The following ALK variants were observed in gnomAD, a reference collection of about 807,000 sequenced individuals.
ALK encodes the protein ALK receptor tyrosine kinase.
Under a neutral mutation model 163.1 loss-of-function variants are expected in ALK, and 74 were observed. That is an observed-to-expected ratio of 0.45 (90% CI 0.38 to 0.55). ALK has a LOEUF of 0.55. Among genes scored for constraint, ALK ranks in the 20% least tolerant of loss-of-function variants. The probability of loss-of-function intolerance (pLI) is 0.00; values close to 1 mark genes in which losing one functional copy is unlikely to be tolerated. For synonymous variants in ALK, 960 were observed against 843.2 expected, an observed-to-expected ratio of 1.14 and a Z score of -2.40; for missense variants, 2,063 against 2,105.3, an observed-to-expected ratio of 0.98 and a Z score of 0.39.
intron 3 of ALK, among the ~76,000 whole-genome samples, chr2:29,675,148 A>G (rs2148273954): frequency 6.6e-6 from 1 of 152,152 alleles, no homozygotes; most frequent in South Asian, 2.1e-4. Flanking sequence ...AGGCTATAAT[A>G]TGCATACTGT....
intron 3 of ALK, among the ~76,000 whole-genome samples, chr2:29,652,360 G>A (rs2879503): frequency 0.61 from 92,017 of 151,934 alleles, 29,155 homozygotes; most frequent in East Asian, 0.74. Flanking sequence ...TTTGCATGAT[G>A]TGATTTAAAC....
chr2:29,430,693 CTG>C (rs1670251643), intron 4 of ALK, among the ~76,000 whole-genome samples: 1 of 152,204 alleles, frequency 6.6e-6, no homozygotes, highest in Admixed American at 6.5e-5. Context: ...CATACCCAGA[CTG>C]TGATAGGTAC....
At chr2:29,562,098 G>A (rs1354089469) in intron 3 of ALK, among the ~76,000 whole-genome samples, 6 of 152,292 alleles carry the variant, frequency 3.9e-5, no homozygotes, top group Non-Finnish European at 7.4e-5. Context: ...ACTAGGTCCA[G>A]CATCCCCTTT....
At chr2:29,712,631 A>T (rs1193190894) in intron 2 of ALK, among the ~76,000 whole-genome samples, 7 of 149,734 alleles carry the variant, frequency 4.7e-5, no homozygotes, top group Non-Finnish European at 7.4e-5. Context: ...TTTTTTTTTG[A>T]GAGAGAGATA....
At chr2:29,244,537 C>A (rs1433545071) in intron 12 of ALK, among the ~76,000 whole-genome samples, 1 of 152,164 alleles carries the variant, frequency 6.6e-6, no homozygotes, top group Non-Finnish European at 1.5e-5. Flanking sequence ...CCCTTAGCAC[C>A]TTCCTGGCCA....
chr2:29,204,502 G>T (rs1428083634), intron 26 of ALK, among the ~76,000 whole-genome samples: 1 of 150,054 alleles, frequency 6.7e-6, no homozygotes, highest in Non-Finnish European at 1.5e-5. Flanking sequence ...GTGGTTACGG[G>T]ATGTGGGGAG....
chr2:29,355,154 A>G (rs1326094571), intron 5 of ALK, among the ~76,000 whole-genome samples: 1 of 152,170 alleles, frequency 6.6e-6, no homozygotes, highest in African/African-American at 2.4e-5. Context: ...ACTCATGAGC[A>G]TTTAGCTACT....
intron 4 of ALK, among the ~76,000 whole-genome samples, chr2:29,459,468 A>C (rs546451354): frequency 6.6e-6 from 1 of 152,226 alleles, no homozygotes; most frequent in Non-Finnish European, 1.5e-5. Context: ...TGGGAACATA[A>C]GTCCCTATCT....
rs1441987948 is a variant in ALK, at chr2:29,193,604, A to T, written c.4483T>A (p.Ser1495Thr). Residue 1495 changes from serine (S) to threonine (T), a missense_variant, in exon 29 of 29, where the codon TCC becomes ACC. Transcript: ENST00000389048. ...CACAAGCTGGTGGGCTTGTTTCTGG[A>T]TCCGTGGACCTTGTGCAACTCCGAA... is the stretch of plus-strand genomic sequence containing the variant. ...PPSELHKVHG[S>T]RNKPTSLWNP... is the part of the protein sequence containing the mutation. 6.8e-6 allele frequency: 11 copies of T among 1,614,210 alleles called. No individual in the cohort carries two copies. Among genetic ancestry groups the T allele is most frequent in the Non-Finnish European group, 7.6e-6 (9 of 1,180,034 alleles).
intron 5 of ALK, among the ~76,000 whole-genome samples, chr2:29,331,017 ACTCCAT>A (rs1430521343): frequency 3.3e-5 from 5 of 152,004 alleles, no homozygotes; most frequent in African/African-American, 1.2e-4. Context: ...GAGAATGAAC[ACTCCAT>A]CGAAACCTGA....
chr2:29,701,747 C>T (rs1007770113), intron 2 of ALK, among the ~76,000 whole-genome samples: 1 of 152,102 alleles, frequency 6.6e-6, no homozygotes, highest in Non-Finnish European at 1.5e-5. Context: ...ATGCCAGGCA[C>T]CTTACATGAT....
At chr2:29,626,244 A>C (rs1221588658) in intron 3 of ALK, among the ~76,000 whole-genome samples, 1 of 152,162 alleles carries the variant, frequency 6.6e-6, no homozygotes, top group East Asian at 1.9e-4. Context: ...CTGTGTCCCC[A>C]CCCAAATGTC....
chr2:29,404,025 C>T lies in ALK; in HGVS notation c.1155-20166G>A, dbSNP rs1000571676. Among the ~76,000 whole-genome samples the T allele has an allele frequency of 6.6e-5, 10 of 152,000 alleles. 1 individual carries two copies. The highest frequency in any genetic ancestry group is 3.3e-4 in the Admixed American group (5 of 15,260). On this transcript the variant is annotated intron_variant, in intron 4 of 28. Coordinates refer to ENST00000389048, the MANE Select transcript of ALK (RefSeq NM_004304.5). ...ATTGTCTATAAAAGGAGTTGTAGGC[C>T]GGGCATGTTAGCTCACGCCTGTAAT...
At position 29,607,545 on chromosome 2, in the gene ALK, G is replaced by A. The variant is rs965575149; in HGVS notation, c.953-75429C>T. Among the ~76,000 whole-genome samples the A allele has an allele frequency of 5.9e-5, 9 of 152,204 alleles. No homozygotes were observed. The East Asian group carries it at 1.7e-3, about 29-fold the overall frequency. ...ACTCCCCCGAAATGGCTCTTGTCAA[G>A]GTCATTATGACCTCCAGATAGCTAA... On this transcript the variant is annotated intron_variant, in intron 3 of 28. Coordinates refer to ENST00000389048, the MANE Select transcript of ALK (RefSeq NM_004304.5).
At chr2:29,204,104 A>AT (rs1220047609) in intron 26 of ALK, among the ~76,000 whole-genome samples, 3 of 152,058 alleles carry the variant, frequency 2.0e-5, no homozygotes, top group African/African-American at 2.4e-5. Flanking sequence ...AAATAATAAG[A>AT]TTTTTTTCTT....
chr2:29,582,487 T>C (rs1674735180), intron 3 of ALK, among the ~76,000 whole-genome samples: 2 of 152,302 alleles, frequency 1.3e-5, no homozygotes, highest in South Asian at 2.1e-4. Flanking sequence ...ATGTGACAGA[T>C]TGTTCAGATA....
chr2:29,912,299 T>C (rs920795961), intron 1 of ALK, among the ~76,000 whole-genome samples: 29 of 152,016 alleles, frequency 1.9e-4, no homozygotes, highest in Admixed American at 1.8e-3. Flanking sequence ...CAGAGATACA[T>C]CATAATCAAA....
At chr2:29,337,863 A>G (rs1667669232) in intron 5 of ALK, among the ~76,000 whole-genome samples, 1 of 152,132 alleles carries the variant, frequency 6.6e-6, no homozygotes, top group African/African-American at 2.4e-5. Flanking sequence ...TGAGCTGCCT[A>G]AGGTATAGAG....
At chr2:29,861,752 A>G (rs1666298265) in intron 1 of ALK, among the ~76,000 whole-genome samples, 2 of 152,240 alleles carry the variant, frequency 1.3e-5, no homozygotes, top group Admixed American at 1.3e-4. Context: ...AATAAATTGA[A>G]GAGGAAGGAA....
Sources: allele counts gnomAD v4.1 joint callset (sites outside exome capture counted in the v4.1 genomes callset), GRCh38; gene constraint gnomAD v4.1.1; transcripts MANE v1.5; gene names NCBI Gene and HGNC (gene_info 2026-07-23, HGNC 2026-07-21).